TBCK: variants seen among roughly 807,000 people sequenced by gnomAD.
The protein encoded by TBCK is TBC domain-containing protein kinase-like protein.
A neutral mutation model predicts 113.4 loss-of-function variants in TBCK; 99 were observed. The ratio of observed to expected loss-of-function variants is 0.87; its 90% CI spans 0.74 to 1.03. TBCK has a LOEUF of 1.03. Ranked by LOEUF, TBCK falls within the 50% of genes least tolerant of loss-of-function variation. TBCK has a pLI of 0.00. For synonymous variants in TBCK, 369 were observed against 370.8 expected (o/e 1.00, Z 0.05); for missense variants, 1,045 against 1,061.3 (o/e 0.98, Z 0.21).
At chr4:106,122,030 A>G (rs1454906717) in intron 23 of TBCK, among the ~76,000 whole-genome samples, 1 of 152,250 alleles carries the variant, frequency 6.6e-6, no homozygotes, top group African/African-American at 2.4e-5. Flanking sequence ...AAATCAGAGC[A>G]GAACTGAAGG....
intron 3 of TBCK, among the ~76,000 whole-genome samples, chr4:106,281,304 T>C (rs1472043692): frequency 1.9e-5 from 1 of 52,582 alleles, no homozygotes; most frequent in Non-Finnish European, 3.7e-5. Flanking sequence ...CTTCTAATCA[T>C]TTTTTTTTTT....
chr4:106,252,180 A>G (rs755000352), intron 5 of TBCK, among the ~76,000 whole-genome samples, 173 bp from the exon 6 acceptor site: 7 of 152,052 alleles, frequency 4.6e-5, no homozygotes, highest in Non-Finnish European at 7.4e-5. Context: ...ATGTCAAGGA[A>G]TCAAGAGAAA....
intron 5 of TBCK, among the ~76,000 whole-genome samples, chr4:106,253,121 A>G (rs1761607874): frequency 6.6e-6 from 1 of 152,046 alleles, no homozygotes; most frequent in Non-Finnish European, 1.5e-5. Context: ...CAGAGAAGAC[A>G]CCTGGAATTT....
chr4:106,054,511 T>C (rs901690930), intron 25 of TBCK, among the ~76,000 whole-genome samples: 3 of 151,746 alleles, frequency 2.0e-5, no homozygotes, highest in African/African-American at 7.2e-5. Flanking sequence ...TATTTGATCA[T>C]TTATAACCAC....
chr4:106,244,808 C>G, intron 10 of TBCK, 44 bp from the exon 11 acceptor site: 3 of 1,295,582 alleles, frequency 2.3e-6, no homozygotes, highest in African/African-American at 1.5e-5. Flanking sequence ...ATATTTTCTA[C>G]TTTTATTAAA....
intron 22 of TBCK, among the ~76,000 whole-genome samples, chr4:106,171,584 G>A (rs2149739546): frequency 6.6e-6 from 1 of 152,088 alleles, no homozygotes; most frequent in East Asian, 1.9e-4. Flanking sequence ...AAATGCCACA[G>A]AATAGAACAC....
intron 19 of TBCK, among the ~76,000 whole-genome samples, chr4:106,216,566 C>T (rs947553998): frequency 1.3e-5 from 2 of 152,072 alleles, no homozygotes; most frequent in Non-Finnish European, 2.9e-5. Context: ...ATACAAACTA[C>T]CATCAGAGAA....
chr4:106,089,400 T>A (rs1204749700), intron 25 of TBCK, among the ~76,000 whole-genome samples: 1 of 152,182 alleles, frequency 6.6e-6, no homozygotes, highest in Admixed American at 6.5e-5. Flanking sequence ...TCATTTGAAA[T>A]GAGATTTGGA....
At chr4:106,243,631 C>A (rs1760426375) in intron 11 of TBCK, among the ~76,000 whole-genome samples, 1 of 151,952 alleles carries the variant, frequency 6.6e-6, no homozygotes, top group Non-Finnish European at 1.5e-5. Flanking sequence ...AAATGATGAG[C>A]AGATGACTTC....
intron 3 of TBCK, among the ~76,000 whole-genome samples, chr4:106,269,958 T>C (rs1051424415): frequency 3.3e-5 from 5 of 152,154 alleles, no homozygotes; most frequent in Non-Finnish European, 5.9e-5. Context: ...GCTTAGACAG[T>C]GTTCCAACTT....
intron 22 of TBCK, among the ~76,000 whole-genome samples, chr4:106,190,172 G>A (rs1459754646): frequency 6.6e-6 from 1 of 151,926 alleles, no homozygotes; most frequent in Non-Finnish European, 1.5e-5. Context: ...GTTTATAATG[G>A]AAAGATTACA....
At chr4:106,297,424 T>C (rs1434480651) in intron 2 of TBCK, among the ~76,000 whole-genome samples, 3 of 152,206 alleles carry the variant, frequency 2.0e-5, no homozygotes, top group Admixed American at 2.0e-4. Flanking sequence ...AGTCCTGTTA[T>C]TTTTACTTCT....
At chr4:106,230,261 C>T (rs1758710258) in intron 19 of TBCK, 102 bp downstream of exon 19, 5 of 597,474 alleles carry the variant, frequency 8.4e-6, no homozygotes, top group African/African-American at 3.8e-5. Flanking sequence ...GGACCATCAT[C>T]GTATTTTTGG....
chr4:106,247,033 A>G lies in TBCK; in HGVS notation c.931+106T>C, dbSNP rs1385345670. ...CCAGAATTGTCTCTTAATTCCCATG[A>G]TCCCACCAATATATATTGTTGATAA... On this transcript the variant is annotated intron_variant, in intron 10 of 25. Coordinates refer to ENST00000394708, the MANE Select transcript of TBCK (RefSeq NM_001163435.3). 1.8e-5 allele frequency: 20 copies of G among 1,137,192 alleles called. No individual in the cohort carries two copies. The East Asian group carries it at 5.1e-4, about 29-fold the overall frequency. The allele number at this position is 1,137,192 out of a possible 1,614,324, so 70.4% of individuals were successfully genotyped here.
chr4:106,179,207 T>G (rs1752043136), intron 22 of TBCK, among the ~76,000 whole-genome samples: 1 of 152,064 alleles, frequency 6.6e-6, no homozygotes, highest in South Asian at 2.1e-4. Context: ...TTTCCTTTTG[T>G]TGATCTTTTG....
intron 22 of TBCK, among the ~76,000 whole-genome samples, chr4:106,189,190 G>C (rs991028547): frequency 1.3e-5 from 2 of 151,862 alleles, no homozygotes; most frequent in Non-Finnish European, 2.9e-5. Flanking sequence ...ACAGATGGGT[G>C]GGGGAGAGAA....
intron 24 of TBCK, among the ~76,000 whole-genome samples, chr4:106,100,656 TTAAAG>T (rs1741450263): frequency 6.6e-6 from 1 of 152,180 alleles, no homozygotes; most frequent in South Asian, 2.1e-4. Context: ...CTACAATGCA[TTAAAG>T]TAATTTTTCT....
At position 106,278,934 on chromosome 4, in the gene TBCK, A is replaced by G. The variant is rs144278860; in HGVS notation, c.266+16160T>C. Among the ~76,000 whole-genome samples, 764 of 152,228 alleles carry G rather than the reference A, an allele frequency of 5.0e-3. 4 individuals carry two copies. The highest frequency in any genetic ancestry group is 0.018 in the African/African-American group (735 of 41,554). ...CAAAATAAAATGAAACAACAAAAAA[A>G]ACCTCTGAGTCTCTTGTAGCCTAAT... On this transcript the variant is annotated intron_variant, in intron 3 of 25. Transcript: ENST00000394708.
intron 24 of TBCK, among the ~76,000 whole-genome samples, chr4:106,108,510 C>A (rs553788362): frequency 6.6e-6 from 1 of 152,282 alleles, no homozygotes; most frequent in South Asian, 2.1e-4. Flanking sequence ...ACAGAAACTA[C>A]ATAATTAACT....
Sources: gnomAD v4.1 joint callset for allele counts (sites outside exome capture counted in the v4.1 genomes callset) on GRCh38, gnomAD v4.1.1 for gene constraint, MANE v1.5 for transcripts, NCBI Gene and HGNC (gene_info 2026-07-23, HGNC 2026-07-21) for gene names.